Variants in AGBL1 observed in about 807,000 individuals in gnomAD.
The protein encoded by AGBL1 is AGBL carboxypeptidase 1.
In AGBL1, 130 loss-of-function variants were observed where a neutral mutation model predicts 118.9. The observed-to-expected ratio is 1.09, with a 90% CI of 0.95 to 1.26. The LOEUF is 1.26. AGBL1 is among the 50% of genes most tolerant of loss of function. AGBL1 has a pLI of 0.00. For synonymous variants in AGBL1, 555 were observed against 478.9 expected (o/e 1.16, Z -2.08); for missense variants, 1,584 against 1,298.1 (o/e 1.22, Z -3.38).
intron 22 of AGBL1, among the ~76,000 whole-genome samples, chr15:86,831,651 G>A (rs2141416126): frequency 6.6e-6 from 1 of 152,334 alleles, no homozygotes; most frequent in South Asian, 2.1e-4. Context: ...CTGCCCCTGT[G>A]GCTTTGCAGA....
intron 21 of AGBL1, among the ~76,000 whole-genome samples, chr15:86,651,239 C>G (rs919833230): frequency 7.9e-5 from 12 of 152,096 alleles, no homozygotes; most frequent in Non-Finnish European, 1.6e-4. Flanking sequence ...TATTCCATGA[C>G]TCTGATGTGG....
At chr15:86,097,963 A>G (rs900096748) in intron 1 of AGBL1, among the ~76,000 whole-genome samples, 2 of 152,264 alleles carry the variant, frequency 1.3e-5, no homozygotes, top group East Asian at 3.9e-4. Flanking sequence ...TTTTCTGTGC[A>G]TCCTCACTAG....
At chr15:86,812,942 A>G (rs776511865) in intron 22 of AGBL1, among the ~76,000 whole-genome samples, 1 of 150,928 alleles carries the variant, frequency 6.6e-6, no homozygotes, top group Non-Finnish European at 1.5e-5. Flanking sequence ...TTTTTTTTTC[A>G]CTGGAAGGGA....
intron 17 of AGBL1, among the ~76,000 whole-genome samples, chr15:86,308,440 C>T (rs2079873107): frequency 6.6e-6 from 1 of 152,194 alleles, no homozygotes; most frequent in African/African-American, 2.4e-5. Context: ...CTCTTCAGAA[C>T]CTGACCTTGT....
chr15:86,203,835 G>T (rs11852288), intron 5 of AGBL1, among the ~76,000 whole-genome samples: 57,717 of 151,950 alleles, frequency 0.38, 11,283 homozygotes, highest in South Asian at 0.51. Flanking sequence ...TTACTTTGAA[G>T]GAGAAGTCCC....
intron 21 of AGBL1, among the ~76,000 whole-genome samples, chr15:86,566,238 A>C (rs559853436): frequency 6.6e-6 from 1 of 152,276 alleles, no homozygotes; most frequent in South Asian, 2.1e-4. Flanking sequence ...GGAGCTGTAG[A>C]CTGGAGCTGT....
chr15:86,591,216 G>C (rs993955173), intron 21 of AGBL1, among the ~76,000 whole-genome samples: 4 of 152,080 alleles, frequency 2.6e-5, no homozygotes, highest in Admixed American at 1.3e-4. Context: ...TACAAACTCA[G>C]AGCTTTTTCC....
chr15:86,498,577 C>G (rs545190567), intron 18 of AGBL1, among the ~76,000 whole-genome samples: 1 of 151,924 alleles, frequency 6.6e-6, no homozygotes, highest in South Asian at 2.1e-4. Context: ...AGATGGAAAC[C>G]CTGTAATAAT....
At chr15:86,460,453 G>A (rs1322389211) in intron 18 of AGBL1, among the ~76,000 whole-genome samples, 1 of 151,568 alleles carries the variant, frequency 6.6e-6, no homozygotes, top group Non-Finnish European at 1.5e-5. Context: ...CAATGACTGA[G>A]CCACTGCACT....
At chr15:86,338,242 G>A (rs561498419) in intron 17 of AGBL1, among the ~76,000 whole-genome samples, 1 of 152,292 alleles carries the variant, frequency 6.6e-6, no homozygotes, top group South Asian at 2.1e-4. Flanking sequence ...TTGCAAAAGT[G>A]CATTTGAAAA....
rs369488920 is a variant in AGBL1, at chr15:86,636,754, T to C, written c.2995-37519T>C. Among the ~76,000 whole-genome samples the C allele has an allele frequency of 3.1e-3, 158 of 51,506 alleles. 18 individuals carry two copies. The highest frequency in any genetic ancestry group is 5.0e-3 in the South Asian group (6 of 1,196). The allele number at this position is 51,506 out of a possible 152,430, so 33.8% of individuals were successfully genotyped here. ...ATATATATATATATATATATATATA[T>C]ATATACACATACATACAGAAAGGCA... On this transcript the variant is annotated intron_variant, in intron 21 of 22. Coordinates refer to ENST00000614907, the MANE Select transcript of AGBL1 (RefSeq NM_001386094.1).
At chr15:86,171,291 TAAAG>T (rs1459735468) in intron 5 of AGBL1, among the ~76,000 whole-genome samples, 2 of 152,204 alleles carry the variant, frequency 1.3e-5, no homozygotes, top group Non-Finnish European at 2.9e-5. Context: ...AGTATTTAAA[TAAAG>T]GTAATCTCAA....
At chr15:86,880,349 C>G (rs1358340258) in intron 22 of AGBL1, among the ~76,000 whole-genome samples, 1 of 152,156 alleles carries the variant, frequency 6.6e-6, no homozygotes, top group Non-Finnish European at 1.5e-5. Flanking sequence ...ATTCATAACT[C>G]TTAATAAAAT....
chr15:86,411,404 T>C (rs1185300593), intron 18 of AGBL1, among the ~76,000 whole-genome samples: 1 of 152,128 alleles, frequency 6.6e-6, no homozygotes, highest in Non-Finnish European at 1.5e-5. Flanking sequence ...CCTTCTGCTC[T>C]CTGTTCTGGA....
At chr15:86,890,190 T>G (rs1478708293) in intron 22 of AGBL1, among the ~76,000 whole-genome samples, 1 of 152,246 alleles carries the variant, frequency 6.6e-6, no homozygotes, top group Non-Finnish European at 1.5e-5. Flanking sequence ...GCTGCATGAA[T>G]GTCTTCTTTT....
intron 18 of AGBL1, among the ~76,000 whole-genome samples, chr15:86,407,333 T>C (rs2081543962): frequency 6.6e-6 from 1 of 152,172 alleles, no homozygotes; most frequent in Non-Finnish European, 1.5e-5. Context: ...GGTTCATCTG[T>C]TTGCAAAGCT....
At chr15:86,314,555 G>A (rs966245965) in intron 17 of AGBL1, among the ~76,000 whole-genome samples, 1 of 152,136 alleles carries the variant, frequency 6.6e-6, no homozygotes, top group African/African-American at 2.4e-5. Context: ...GGGTCTCTTT[G>A]CACAGACATT....
At chr15:86,735,985 A>T (rs541241878) in intron 22 of AGBL1, among the ~76,000 whole-genome samples, 1 of 152,298 alleles carries the variant, frequency 6.6e-6, no homozygotes, top group East Asian at 1.9e-4. Flanking sequence ...GTGCCAGCAC[A>T]TGCTTGGTGT....
chr15:86,254,700 G>A (rs2078867629), intron 7 of AGBL1, among the ~76,000 whole-genome samples: 1 of 151,990 alleles, frequency 6.6e-6, no homozygotes, highest in South Asian at 2.1e-4. Context: ...TTTTTTTGAT[G>A]CAAAGCACAA....
Sources: allele counts gnomAD v4.1 joint callset (sites outside exome capture counted in the v4.1 genomes callset), GRCh38; gene constraint gnomAD v4.1.1; transcripts MANE v1.5; gene names NCBI Gene and HGNC (gene_info 2026-07-23, HGNC 2026-07-21).